The following LTBP1 variants were observed in gnomAD, a reference collection of about 807,000 sequenced individuals.
LTBP1 encodes the protein latent-transforming growth factor beta-binding protein 1.
In LTBP1, 129 loss-of-function variants were observed where a neutral mutation model predicts 207.6. The ratio of observed to expected loss-of-function variants is 0.62; its 90% CI spans 0.54 to 0.72. The LOEUF (loss-of-function observed/expected upper bound fraction) is 0.72. Among genes scored for constraint, LTBP1 ranks in the 30% least tolerant of loss-of-function variants. The pLI is 0.00. For missense variants in LTBP1, 2,281 were observed against 2,217.2 expected (o/e 1.03, Z -0.58); for synonymous variants, 963 against 833.7 (o/e 1.16, Z -2.67).
chr2:33,121,695 T>C (rs2081133410), intron 4 of LTBP1, among the ~76,000 whole-genome samples: 1 of 152,172 alleles, frequency 6.6e-6, no homozygotes, highest in African/African-American at 2.4e-5. Flanking sequence ...GGCGTAATCC[T>C]CCCCCAAACA....
intron 24 of LTBP1, among the ~76,000 whole-genome samples, chr2:33,333,483 G>T (rs911030034): frequency 6.6e-6 from 1 of 152,154 alleles, no homozygotes. Flanking sequence ...GGAGAGAAAT[G>T]AATGACTCCA....
intron 19 of LTBP1, among the ~76,000 whole-genome samples, chr2:33,290,424 T>C (rs971033735): frequency 6.6e-6 from 1 of 152,198 alleles, no homozygotes; most frequent in African/African-American, 2.4e-5. Flanking sequence ...CCCCACAAGT[T>C]TGTGTCCTTG....
chr2:33,130,466 G>T (rs1248649247), intron 4 of LTBP1, among the ~76,000 whole-genome samples: 1 of 152,152 alleles, frequency 6.6e-6, no homozygotes, highest in Non-Finnish European at 1.5e-5. Context: ...GTCACATCTT[G>T]GTCTGATGAC....
intron 21 of LTBP1, among the ~76,000 whole-genome samples, chr2:33,301,033 A>G (rs574852450): frequency 6.6e-6 from 1 of 152,354 alleles, no homozygotes; most frequent in African/African-American, 2.4e-5. Context: ...ATAAAACTGT[A>G]ATAATGTCCC....
chr2:32,990,831 G>C (rs1224423553), intron 2 of LTBP1, among the ~76,000 whole-genome samples: 1 of 152,136 alleles, frequency 6.6e-6, no homozygotes, highest in Non-Finnish European at 1.5e-5. Context: ...GACACATCAT[G>C]GTGGATGTAA....
intron 4 of LTBP1, among the ~76,000 whole-genome samples, chr2:33,113,797 T>C (rs2080554612): frequency 6.6e-6 from 1 of 152,172 alleles, no homozygotes; most frequent in Non-Finnish European, 1.5e-5. Context: ...TACTCCCACA[T>C]TGTATAGAGA....
At chr2:33,280,515 A>AAC (rs766978972) in intron 19 of LTBP1, among the ~76,000 whole-genome samples, 1 of 152,076 alleles carries the variant, frequency 6.6e-6, no homozygotes, top group Non-Finnish European at 1.5e-5. Context: ...AGAATTAGGT[A>AAC]ACACACACAC....
rs397984258 is a variant in LTBP1, at chr2:33,309,949, C to CTTT, written c.3604+406_3604+408dup. On this transcript the variant is annotated intron_variant, in intron 23 of 33. Coordinates refer to ENST00000404816, the MANE Select transcript of LTBP1 (RefSeq NM_206943.4). ...TATTTTTATCCAGTGCCCGCCATTG[C>CTTT]TTTTTTTTTTTTTTTGAGACAGAGT... 9.1e-4 allele frequency among the ~76,000 whole-genome samples: 124 copies of CTTT among 136,402 alleles called. 4 individuals are homozygous for CTTT. The highest frequency in any genetic ancestry group is 1.3e-3 in the Non-Finnish European group (86 of 63,728). 89.5% of individuals were successfully genotyped at this position (136,402 alleles called of 152,430 possible). A position where few individuals can be genotyped will look rare whatever the true frequency, so the allele number is the denominator to read the frequency against.
chr2:33,237,443 A>T (rs1378926554), intron 9 of LTBP1, among the ~76,000 whole-genome samples: 1 of 152,172 alleles, frequency 6.6e-6, no homozygotes, highest in Non-Finnish European at 1.5e-5. Flanking sequence ...TTAATCTCCT[A>T]GAATAATTTT....
intron 24 of LTBP1, among the ~76,000 whole-genome samples, chr2:33,329,084 A>G (rs6740448): frequency 0.57 from 86,375 of 151,890 alleles, 25,855 homozygotes; most frequent in African/African-American, 0.76. Context: ...TGTTTCACTC[A>G]CATATATATA....
chr2:33,138,848 C>CTTTTTTTT (rs71409603), intron 5 of LTBP1, among the ~76,000 whole-genome samples: 5 of 77,670 alleles, frequency 6.4e-5, no homozygotes, highest in Admixed American at 1.6e-4. Context: ...AGTATGTTCT[C>CTTTTTTTT]TTTTTTTTTT....
chr2:33,093,392 C>T (rs991897123), intron 3 of LTBP1, among the ~76,000 whole-genome samples: 10 of 151,884 alleles, frequency 6.6e-5, no homozygotes, highest in East Asian at 3.9e-4. Context: ...TTTTATTTAC[C>T]GCCTGGTGGA....
intron 2 of LTBP1, among the ~76,000 whole-genome samples, chr2:32,993,296 A>G (rs186804719): frequency 3.9e-5 from 6 of 152,290 alleles, no homozygotes. Context: ...AAAGAATTCA[A>G]GAGACATGGG....
At chr2:33,201,167 C>T (rs993817541) in intron 7 of LTBP1, among the ~76,000 whole-genome samples, 158 of 152,236 alleles carry the variant, frequency 1.0e-3, no homozygotes, top group Non-Finnish European at 1.2e-3. Flanking sequence ...GCTATAAAGA[C>T]ACATGCACAC....
intron 31 of LTBP1, among the ~76,000 whole-genome samples, chr2:33,378,217 G>GTGTGTGTGTGTGTT (rs1286501428): frequency 5.7e-5 from 8 of 140,650 alleles, no homozygotes; most frequent in African/African-American, 8.1e-5. Context: ...GTGTGTGTGT[G>GTGTGTGTGTGTGTT]TGTGTTTTGT....
intron 7 of LTBP1, among the ~76,000 whole-genome samples, chr2:33,208,865 A>ATTTTTTTTTTT (rs3053310): frequency 8.9e-6 from 1 of 112,988 alleles, no homozygotes. Context: ...TCTTGCTACT[A>ATTTTTTTTTTT]TTTTTTTTTT....
At chr2:33,311,660 C>A (rs1196618929) in intron 23 of LTBP1, among the ~76,000 whole-genome samples, 1 of 151,820 alleles carries the variant, frequency 6.6e-6, no homozygotes, top group Admixed American at 6.6e-5. Flanking sequence ...ACAGGCAAAA[C>A]CAAATCTTAA....
At chr2:33,176,258 G>A (rs551308653) in intron 5 of LTBP1, among the ~76,000 whole-genome samples, 36 of 151,798 alleles carry the variant, frequency 2.4e-4, no homozygotes, top group South Asian at 4.2e-4. Flanking sequence ...ATGGAGTCTC[G>A]CTCTGTCGCG....
At chr2:33,391,545 G>A (rs954818972) in intron 32 of LTBP1, among the ~76,000 whole-genome samples, 3 of 152,116 alleles carry the variant, frequency 2.0e-5, no homozygotes, top group East Asian at 1.9e-4. Flanking sequence ...TGACAATCCC[G>A]TGGCTTACAG....
Sources: gnomAD v4.1 joint callset for allele counts (sites outside exome capture counted in the v4.1 genomes callset) on GRCh38, gnomAD v4.1.1 for gene constraint, MANE v1.5 for transcripts, NCBI Gene and HGNC (gene_info 2026-07-23, HGNC 2026-07-21) for gene names.